CELF2: variants seen among roughly 807,000 people sequenced by gnomAD.
CELF2 encodes the protein CUGBP Elav-like family member 2, also known as CUG triplet repeat RNA-binding protein 2.
CELF2 carries 8 observed loss-of-function variants against 62.6 expected under a neutral mutation model. The ratio of observed to expected loss-of-function variants is 0.13; its 90% CI spans 0.07 to 0.23. The LOEUF is 0.23. CELF2 is among the 10% of genes least tolerant of loss of function. The pLI, the probability that CELF2 is intolerant of heterozygous loss-of-function variation, is 1.00. For missense variants in CELF2, 333 were observed against 671.0 expected (o/e 0.50, Z 5.56); for synonymous variants, 258 against 250.0 (o/e 1.03, Z -0.30).
At chr10:10,864,986 G>T (rs972227415) in intron 1 of CELF2, among the ~76,000 whole-genome samples, 21 of 152,228 alleles carry the variant, frequency 1.4e-4, no homozygotes, top group African/African-American at 4.8e-4. Flanking sequence ...AAATCTTGTG[G>T]TGTGGTGTTG....
chr10:11,261,936 CACTT>C (rs1475869797), intron 5 of CELF2, among the ~76,000 whole-genome samples: 5 of 152,236 alleles, frequency 3.3e-5, no homozygotes, highest in Non-Finnish European at 7.3e-5. Context: ...CACACACTCT[CACTT>C]ACCCACAATC....
intron 2 of CELF2, among the ~76,000 whole-genome samples, chr10:10,920,212 A>T (rs937394074): frequency 2.0e-4 from 31 of 152,330 alleles, no homozygotes; most frequent in African/African-American, 7.2e-4. Context: ...TTCATAAATG[A>T]CTTAGATTAT....
chr10:10,826,898 G>A (rs1197667412), intron 1 of CELF2, among the ~76,000 whole-genome samples: 2 of 152,156 alleles, frequency 1.3e-5, no homozygotes, highest in Admixed American at 6.5e-5. Context: ...CCAGAGATGT[G>A]GATGTCTTAA....
chr10:11,240,240 A>T (rs2073331876), intron 3 of CELF2, among the ~76,000 whole-genome samples: 1 of 152,232 alleles, frequency 6.6e-6, no homozygotes, highest in African/African-American at 2.4e-5. Flanking sequence ...GACCTTGCAT[A>T]ATCCAGGCAG....
rs1196638143 is a variant in CELF2 at position 11,255,403 on chromosome 10, G to A, written c.404-2335G>A. On this transcript the variant is annotated intron_variant, in intron 4 of 12. Transcript: ENST00000633077. The surrounding 1 kb of genome is among the most constrained non-coding windows in gnomAD (Gnocchi z 5.5). Reference sequence around the variant, plus strand: ...CCATCCTGAGGTCGGGCTGCTTTCCGCCATCCACCCAAGCCAGGTCCCTAC... The same window carrying A: ...CCATCCTGAGGTCGGGCTGCTTTCCACCATCCACCCAAGCCAGGTCCCTAC... Among the ~76,000 whole-genome samples, 2 of 152,034 alleles carry A rather than the reference G, an allele frequency of 1.3e-5. No individual in the cohort carries two copies. The highest frequency in any genetic ancestry group is 4.8e-5 in the African/African-American group (2 of 41,390).
At chr10:10,683,982 C>A in the CELF2 span, among the ~76,000 whole-genome samples, 1 of 152,184 alleles carries the variant, frequency 6.6e-6, no homozygotes. Flanking sequence ...AGAATTTCTA[C>A]CTTTAGGGAC....
chr10:11,004,344 T>C (rs2054837713), upstream of CELF2, among the ~76,000 whole-genome samples: 1 of 152,132 alleles, frequency 6.6e-6, no homozygotes, highest in Non-Finnish European at 1.5e-5. This position sits in a 1 kb window ranked among gnomAD's most constrained non-coding sequence, Gnocchi z 5.0. Flanking sequence ...CCTCCTGGAA[T>C]AGTGCCTTAG....
Position 11,332,977 on chromosome 10 carries a change from A to AG in CELF2, c.*3925dup, listed in dbSNP as rs1286512447. On this transcript the variant is annotated 3_prime_UTR_variant, in exon 13 of 13. Coordinates refer to ENST00000633077, the MANE Select transcript of CELF2 (RefSeq NM_001326342.2). Reference sequence around the variant, plus strand: ...CGTACCACGTACGTGGAAACACAAGAGCCCACCACTTGAATTTCTAAGACC... The same window carrying AG: ...CGTACCACGTACGTGGAAACACAAGAGGCCCACCACTTGAATTTCTAAGACC... The AG allele has an allele frequency of 2.0e-5, 3 of 152,634 alleles. No individual in the cohort carries two copies. Among genetic ancestry groups the AG allele is most frequent in the Non-Finnish European group, 4.4e-5 (3 of 68,042 alleles). 9.5% of individuals were successfully genotyped at this position (152,634 alleles called of 1,614,324 possible).
At chr10:11,111,655 G>A (rs968229840) in intron 1 of CELF2, among the ~76,000 whole-genome samples, 16 of 152,096 alleles carry the variant, frequency 1.1e-4, no homozygotes, top group Admixed American at 5.9e-4. Flanking sequence ...CATAGGCAAC[G>A]TGCCCTATGT....
chr10:10,576,901 G>A, the CELF2 span, among the ~76,000 whole-genome samples: 3 of 152,202 alleles, frequency 2.0e-5, no homozygotes, highest in Non-Finnish European at 4.4e-5. Context: ...ATGTGAGTGA[G>A]AGATTTGCTT....
chr10:11,165,093 C>T lies in CELF2; in HGVS notation c.75-393C>T, dbSNP rs895907597. The T allele has an allele frequency of 2.0e-6, 2 of 1,001,320 alleles. No homozygotes were observed. The highest frequency in any genetic ancestry group is 2.4e-6 in the Non-Finnish European group (2 of 839,628). The allele number at this position is 1,001,320 out of a possible 1,614,324, so 62.0% of individuals were successfully genotyped here. A position where few individuals can be genotyped will look rare whatever the true frequency, so the allele number is the denominator to read the frequency against. ...AGAGAAATCCAGCAGACATCTAGCT[C>T]TGCCTTTCTTTCCCAGCCACAGCCA... On this transcript the variant is annotated intron_variant, in intron 1 of 12. Coordinates refer to ENST00000633077, the MANE Select transcript of CELF2 (RefSeq NM_001326342.2). This position sits in a 1 kb window ranked among gnomAD's most constrained non-coding sequence, Gnocchi z 7.4.
At chr10:10,727,481 A>G in the CELF2 span, among the ~76,000 whole-genome samples, 5 of 152,270 alleles carry the variant, frequency 3.3e-5, no homozygotes, top group African/African-American at 1.2e-4. Flanking sequence ...TGATTGCACT[A>G]TAAAGAAAAA....
At chr10:11,327,717 T>C (rs998214097) in intron 12 of CELF2, among the ~76,000 whole-genome samples, 1 of 152,222 alleles carries the variant, frequency 6.6e-6, no homozygotes, top group African/African-American at 2.4e-5. Context: ...TTAATAAAAA[T>C]GTAAACAGCC....
chr10:11,152,277 T>G (rs2063481444), intron 1 of CELF2, among the ~76,000 whole-genome samples: 1 of 152,178 alleles, frequency 6.6e-6, no homozygotes, highest in Non-Finnish European at 1.5e-5. Context: ...TGACACCTCA[T>G]TCAAGACCTT....
At chr10:10,669,859 T>G in the CELF2 span, among the ~76,000 whole-genome samples, 2 of 152,098 alleles carry the variant, frequency 1.3e-5, no homozygotes, top group Non-Finnish European at 1.5e-5. Context: ...TGTGTTTGAT[T>G]GCATGCTTCT....
the CELF2 span, among the ~76,000 whole-genome samples, chr10:10,531,675 G>A: frequency 1.4e-4 from 22 of 152,302 alleles, no homozygotes; most frequent in Middle Eastern, 6.8e-3. Context: ...TTCTGCGGGA[G>A]GAAGAGGTTG....
intron 1 of CELF2, among the ~76,000 whole-genome samples, chr10:10,828,076 A>G (rs1047759155): frequency 6.0e-5 from 9 of 151,044 alleles, no homozygotes; most frequent in African/African-American, 2.2e-4. Flanking sequence ...AAAACAGTGC[A>G]GTTGCTACAG....
the CELF2 span, among the ~76,000 whole-genome samples, chr10:10,651,723 A>C: frequency 6.6e-6 from 1 of 151,826 alleles, no homozygotes; most frequent in Non-Finnish European, 1.5e-5. Flanking sequence ...CCATCTGTAC[A>C]TCACCATCAT....
At chr10:10,670,467 G>C in the CELF2 span, among the ~76,000 whole-genome samples, 1 of 152,084 alleles carries the variant, frequency 6.6e-6, no homozygotes, top group East Asian at 1.9e-4. Flanking sequence ...ACAAGAAAAT[G>C]GACAAAAAGG....
Sources: gnomAD v4.1 joint callset for allele counts (sites outside exome capture counted in the v4.1 genomes callset) on GRCh38, gnomAD v4.1.1 for gene constraint, Gnocchi (gnomAD v3.1) non-coding constraint, MANE v1.5 for transcripts, NCBI Gene and HGNC (gene_info 2026-07-23, HGNC 2026-07-21) for gene names.